SPINT2: variants seen among roughly 807,000 people sequenced by gnomAD.
The protein encoded by SPINT2 is kunitz-type protease inhibitor 2.
A neutral mutation model predicts 30.1 loss-of-function variants in SPINT2; 18 were observed. That is an observed-to-expected ratio of 0.60 (90% confidence interval 0.41 to 0.89). The LOEUF is 0.89. Among genes scored for constraint, SPINT2 ranks in the 40% least tolerant of loss-of-function variants. The pLI is 0.00. For synonymous variants in SPINT2, 139 were observed against 137.9 expected, an observed-to-expected ratio of 1.01 and a Z score of -0.05; for missense variants, 276 against 334.3, an observed-to-expected ratio of 0.83 and a Z score of 1.36.
chr19:38,283,374 CAG>C (rs753603357), intron 1 of SPINT2, among the ~76,000 whole-genome samples: 54 of 152,112 alleles, frequency 3.6e-4, no homozygotes, highest in Non-Finnish European at 3.4e-4. Context: ...ATAATGGGGA[CAG>C]GGGACAAAAC....
At chr19:38,266,173 A>G (rs1968375738) in intron 1 of SPINT2, among the ~76,000 whole-genome samples, 1 of 152,120 alleles carries the variant, frequency 6.6e-6, no homozygotes, top group Non-Finnish European at 1.5e-5. Flanking sequence ...GGTTCAGGGA[A>G]AAGACAGAGC....
intron 1 of SPINT2, among the ~76,000 whole-genome samples, chr19:38,269,715 A>G (rs1968427506): frequency 6.9e-6 from 1 of 145,876 alleles, no homozygotes; most frequent in South Asian, 2.1e-4. Context: ...GGTTCACACC[A>G]TTCTCCTGCC....
intron 1 of SPINT2, among the ~76,000 whole-genome samples, chr19:38,278,579 G>A (rs2146271640): frequency 6.6e-6 from 1 of 152,310 alleles, no homozygotes; most frequent in Admixed American, 6.5e-5. Flanking sequence ...CACTTTCAGA[G>A]GCGGAGGCAG....
intron 1 of SPINT2, among the ~76,000 whole-genome samples, chr19:38,280,028 CT>C (rs1968562838): frequency 6.6e-6 from 1 of 152,134 alleles, no homozygotes; most frequent in Admixed American, 6.6e-5. Context: ...CCGAAGGAAC[CT>C]GAAAATAAGG....
intron 4 of SPINT2, 77 bp downstream of exon 4, chr19:38,289,268 C>A: frequency 3.1e-6 from 4 of 1,284,724 alleles, no homozygotes; most frequent in Non-Finnish European, 3.4e-6. Flanking sequence ...GTGGGCGGAT[C>A]ACGAGGTCAG....
At chr19:38,288,377 C>T (rs1030723566) in intron 3 of SPINT2, 38 of 296,790 alleles carry the variant, frequency 1.3e-4, no homozygotes, top group South Asian at 3.9e-4. Context: ...CTGCCACCCC[C>T]GCCTCCCCGC....
chr19:38,270,052 G>A (rs10408768), intron 1 of SPINT2, among the ~76,000 whole-genome samples: 33,300 of 129,642 alleles, frequency 0.26, 5,551 homozygotes, highest in African/African-American at 0.45. Context: ...AGGGATTTTC[G>A]AAATGCATGG....
intron 1 of SPINT2, among the ~76,000 whole-genome samples, chr19:38,274,444 T>C (rs1968493123): frequency 6.6e-6 from 1 of 152,202 alleles, no homozygotes; most frequent in South Asian, 2.1e-4. Flanking sequence ...TCTCCTTGGC[T>C]ACTATCCTTA....
rs1429365071 is a variant in SPINT2 at position 38,290,130 on chromosome 19, G to A, written c.403G>A (p.Ala135Thr). The A allele has an allele frequency of 1.2e-5, 19 of 1,612,484 alleles. No homozygotes were observed. The East Asian group carries it at 1.3e-4, about 11-fold the overall frequency. The change falls in exon 5 of 7, where the codon GCC (alanine) becomes ACC (threonine). Residue 135 changes from alanine to threonine, a missense_variant. Ala to Thr is a moderately conservative substitution (Grantham distance 58). Coordinates refer to ENST00000301244, the MANE Select transcript of SPINT2 (RefSeq NM_021102.4). The surrounding 1 kb of genome is among the most constrained non-coding windows in gnomAD (Gnocchi z 4.3). ...DMFNYEEYCTANAVTGPCRAS... is the reference protein window; with the variant it reads ...DMFNYEEYCTTNAVTGPCRAS... ...TGTCTTACTCCTAGAATACTGCACC[G>A]CCAACGCAGTCACTGGGCCTTGCCG... is the stretch of plus-strand genomic sequence containing the variant.
chr19:38,273,038 A>G (rs937656547), intron 1 of SPINT2, among the ~76,000 whole-genome samples: 5 of 152,070 alleles, frequency 3.3e-5, no homozygotes, highest in Admixed American at 1.3e-4. Flanking sequence ...GTAAACTTTT[A>G]TATCTAAATA....
At chr19:38,286,510 G>A (rs1025133939) in intron 2 of SPINT2, among the ~76,000 whole-genome samples, 3 of 152,192 alleles carry the variant, frequency 2.0e-5, no homozygotes, top group Non-Finnish European at 2.9e-5. Context: ...GGCCGGGTGC[G>A]GCGGCTCACG....
At position 38,277,216 on chromosome 19, in the gene SPINT2, A is replaced by G. The variant is rs528302553; in HGVS notation, c.107-6411A>G. Reference sequence around the variant, plus strand: ...CACAGCTGCAATTATGCATTTTTGGAAAATGATTAGGTACTATCTCATCTG... The same window carrying G: ...CACAGCTGCAATTATGCATTTTTGGGAAATGATTAGGTACTATCTCATCTG... On this transcript the variant is annotated intron_variant, in intron 1 of 6. Transcript: ENST00000301244. Among the ~76,000 whole-genome samples the G allele has an allele frequency of 2.6e-5, 4 of 152,248 alleles. No homozygotes were observed. In the South Asian group the frequency reaches 6.2e-4, roughly 24 times the overall value.
At chr19:38,276,559 G>A (rs759697505) in intron 1 of SPINT2, among the ~76,000 whole-genome samples, 5 of 151,864 alleles carry the variant, frequency 3.3e-5, no homozygotes, top group Non-Finnish European at 5.9e-5. Context: ...GGGGAATGGC[G>A]TGAACCCAGG....
chr19:38,264,955 C>A lies in SPINT2; in HGVS notation c.63C>A (p.Leu21=). 1 of 1,536,560 alleles carries A rather than the reference C, an allele frequency of 6.5e-7. No individual in the cohort carries two copies. The highest frequency in any genetic ancestry group is 8.7e-7 in the Non-Finnish European group (1 of 1,145,594). Residue 21 remains leucine (L), a synonymous_variant, in exon 1 of 7, where the codon CTC becomes CTA. Coordinates refer to ENST00000301244, the MANE Select transcript of SPINT2 (RefSeq NM_021102.4). ...TTCTCGCCCTGCTGGGATCGCTGCT[C>A]CTCTCTGGGGTCCTGGCGGCCGACC... is the stretch of plus-strand genomic sequence containing the variant. The part of the protein sequence containing the change: ...RAFLALLGSL[L]LSGVLAADRE...
At chr19:38,284,603 G>T (rs544540355) in intron 2 of SPINT2, among the ~76,000 whole-genome samples, 14 of 152,208 alleles carry the variant, frequency 9.2e-5, no homozygotes, top group Non-Finnish European at 1.8e-4. Flanking sequence ...GCAGAGCTGG[G>T]GCCAGCGTGA....
At chr19:38,274,114 C>A (rs1013723003) in intron 1 of SPINT2, among the ~76,000 whole-genome samples, 1 of 151,848 alleles carries the variant, frequency 6.6e-6, no homozygotes, top group African/African-American at 2.4e-5. Context: ...GCCTATAGTC[C>A]CAGCTACTTG....
chr19:38,272,076 C>G (rs1968464047), intron 1 of SPINT2, among the ~76,000 whole-genome samples: 1 of 151,844 alleles, frequency 6.6e-6, no homozygotes, highest in South Asian at 2.1e-4. Flanking sequence ...ACTAGTCAGC[C>G]TGTAGTCCCA....
At chr19:38,289,058 G>A (rs1351368683) in intron 3 of SPINT2, 80 bp from the exon 4 acceptor site, 1 of 1,303,082 alleles carries the variant, frequency 7.7e-7, no homozygotes, top group Non-Finnish European at 1.1e-6. Flanking sequence ...CTCCTCAGTG[G>A]GCCCTTCCAG....
chr19:38,291,934 G>C lies in SPINT2; in HGVS notation c.687G>C (p.Glu229Asp). 1 of 1,614,168 alleles carries C rather than the reference G, an allele frequency of 6.2e-7. No homozygotes were observed. Among genetic ancestry groups the C allele is most frequent in the East Asian group, 2.2e-5 (1 of 44,882 alleles). ...YLIRVARRNQ[E>D]RALRTVWSSG... is the part of the protein sequence containing the mutation. ...TCCGGGTGGCACGGAGGAACCAGGA[G>C]CGTGCCCTGCGCACCGTCTGGAGCT... Residue 229 changes from glutamate to aspartate, a missense_variant, in exon 7 of 7, where the codon GAG becomes GAC. Physicochemically the swap from Glu to Asp is conservative, Grantham distance 45. Transcript: ENST00000301244.
Sources: allele counts gnomAD v4.1 joint callset (sites outside exome capture counted in the v4.1 genomes callset), GRCh38; gene constraint gnomAD v4.1.1; non-coding constraint Gnocchi (gnomAD v3.1); transcripts MANE v1.5; gene names NCBI Gene and HGNC (gene_info 2026-07-23, HGNC 2026-07-21).